The following NAALADL2 variants were observed in gnomAD, a reference collection of about 807,000 sequenced individuals.
NAALADL2 encodes N-acetylated alpha-linked acidic dipeptidase like 2, also known as inactive N-acetylated-alpha-linked acidic dipeptidase-like protein 2.
A neutral mutation model predicts 87.2 loss-of-function variants in NAALADL2; 76 were observed. That is an observed-to-expected ratio of 0.87 (90% CI 0.72 to 1.05). The LOEUF (loss-of-function observed/expected upper bound fraction) is 1.05. Ranked by LOEUF, NAALADL2 falls within the 50% of genes least tolerant of loss-of-function variation. NAALADL2 has a pLI of 0.00. For missense variants in NAALADL2, 1,089 were observed against 945.8 expected (o/e 1.15, Z -1.99); for synonymous variants, 354 against 331.0 (o/e 1.07, Z -0.75).
chr3:174,721,432 A>G (rs1731697665), intron 2 of NAALADL2, among the ~76,000 whole-genome samples: 1 of 152,170 alleles, frequency 6.6e-6, no homozygotes, highest in African/African-American at 2.4e-5. Flanking sequence ...CTTTATTGCC[A>G]GTGAGGTGAA....
At chr3:175,023,070 C>T (rs1445547652) in intron 1 of NAALADL2, among the ~76,000 whole-genome samples, 1 of 152,036 alleles carries the variant, frequency 6.6e-6, no homozygotes. Flanking sequence ...TCATTATTTG[C>T]ATCTGAAAGT....
chr3:174,667,754 A>T (rs1052147819), intron 2 of NAALADL2, among the ~76,000 whole-genome samples: 2 of 151,934 alleles, frequency 1.3e-5, no homozygotes, highest in African/African-American at 4.8e-5. Flanking sequence ...GTGTCTGGTG[A>T]AGGGGAGGTT....
chr3:175,228,940 T>C (rs182338575), intron 2 of NAALADL2, among the ~76,000 whole-genome samples: 11 of 152,134 alleles, frequency 7.2e-5, no homozygotes, highest in Non-Finnish European at 1.5e-4. Flanking sequence ...TAATTCATTA[T>C]AGTAGTCCAG....
chr3:175,403,227 C>T (rs1711666613), intron 5 of NAALADL2, among the ~76,000 whole-genome samples: 1 of 152,016 alleles, frequency 6.6e-6, no homozygotes, highest in South Asian at 2.1e-4. Context: ...TATTCCCCAG[C>T]TCTCCCTCCT....
chr3:174,840,321 A>C (rs1019763864), intron 3 of NAALADL2, among the ~76,000 whole-genome samples: 1 of 152,040 alleles, frequency 6.6e-6, no homozygotes, highest in Non-Finnish European at 1.5e-5. Context: ...TATTTATTGA[A>C]CACTTATGAA....
chr3:175,099,180 G>A (rs528015135), intron 2 of NAALADL2, among the ~76,000 whole-genome samples: 25 of 151,884 alleles, frequency 1.6e-4, no homozygotes, highest in African/African-American at 6.0e-4. Flanking sequence ...TTTGCAAATA[G>A]GCAACTGATT....
intron 3 of NAALADL2, among the ~76,000 whole-genome samples, chr3:174,831,534 A>G (rs1362116742): frequency 6.8e-6 from 1 of 147,784 alleles, no homozygotes; most frequent in Non-Finnish European, 1.5e-5. Flanking sequence ...GGATTTTTGC[A>G]TCAATGTTCA....
At chr3:175,608,532 T>G (rs1168591754) in intron 10 of NAALADL2, among the ~76,000 whole-genome samples, 1 of 152,026 alleles carries the variant, frequency 6.6e-6, no homozygotes. Context: ...CTTCTTTTTA[T>G]CCTCTCTCCC....
intron 9 of NAALADL2, among the ~76,000 whole-genome samples, chr3:175,551,068 G>A (rs926801402): frequency 6.6e-6 from 1 of 151,106 alleles, no homozygotes; most frequent in Non-Finnish European, 1.5e-5. Flanking sequence ...TGAGAGAGAC[G>A]AGTGTGTGTG....
At chr3:174,519,165 C>T (rs140020648) in intron 1 of NAALADL2, among the ~76,000 whole-genome samples, 1 of 152,044 alleles carries the variant, frequency 6.6e-6, no homozygotes, top group Non-Finnish European at 1.5e-5. Flanking sequence ...TAAGTATGCT[C>T]AATATACAGA....
chr3:175,190,993 A>AAG lies in NAALADL2; in HGVS notation c.546-42937_546-42936insGA, dbSNP rs1553806079. On this transcript the variant is annotated intron_variant, in intron 2 of 13. Coordinates refer to ENST00000454872, the MANE Select transcript of NAALADL2 (RefSeq NM_207015.3). Reference sequence around the variant, plus strand: ...GGAGACTCCGTCTCAAAAAAAAAAAAAAAAAGAAAAAGAAAAGTAACCAAT... The same window carrying AAG: ...GGAGACTCCGTCTCAAAAAAAAAAAAAGAAAAAGAAAAAGAAAAGTAACCAAT... Among the ~76,000 whole-genome samples the AAG allele has an allele frequency of 6.3e-3, 954 of 151,602 alleles. 8 individuals carry two copies. Among genetic ancestry groups the AAG allele is most frequent in the African/African-American group, 0.021 (877 of 41,302 alleles).
intron 9 of NAALADL2, among the ~76,000 whole-genome samples, chr3:175,475,049 T>A (rs1359424620): frequency 8.6e-6 from 1 of 116,748 alleles, no homozygotes; most frequent in Non-Finnish European, 1.9e-5. Flanking sequence ...ACACACACAC[T>A]TAGTATTGTA....
At chr3:174,866,166 AGAAATT>A (rs1727116298) in intron 1 of NAALADL2, among the ~76,000 whole-genome samples, 1 of 151,954 alleles carries the variant, frequency 6.6e-6, no homozygotes, top group African/African-American at 2.4e-5. Flanking sequence ...ACATGATGAT[AGAAATT>A]GAAATCATTT....
At position 175,541,156 on chromosome 3, in the gene NAALADL2, T is replaced by C. The variant is rs754127815; in HGVS notation, c.1654-34885T>C. ...TTGAGATATCTTTCGAATCCTTCAA[T>C]CCCTTCACTCTTAATCCCTTCACTC... is the stretch of plus-strand genomic sequence containing the variant. On this transcript the variant is annotated intron_variant, in intron 9 of 13. Transcript: ENST00000454872. 8.6e-4 allele frequency among the ~76,000 whole-genome samples: 131 copies of C among 152,268 alleles called. 1 individual carries two copies. In the Middle Eastern group the frequency reaches 0.01, roughly 12 times the overall value.
chr3:175,752,707 A>G (rs1463744493), intron 12 of NAALADL2, among the ~76,000 whole-genome samples: 1 of 152,100 alleles, frequency 6.6e-6, no homozygotes, highest in Non-Finnish European at 1.5e-5. Flanking sequence ...CTGCATCTGT[A>G]CTACCATGAA....
intron 5 of NAALADL2, among the ~76,000 whole-genome samples, chr3:175,412,726 A>C (rs973744914): frequency 6.6e-6 from 1 of 151,808 alleles, no homozygotes; most frequent in African/African-American, 2.4e-5. Context: ...AGAGAAAAAA[A>C]TTCTAAATTC....
intron 2 of NAALADL2, among the ~76,000 whole-genome samples, chr3:175,196,430 G>A (rs1739005949): frequency 6.6e-6 from 1 of 151,854 alleles, no homozygotes; most frequent in Non-Finnish European, 1.5e-5. Context: ...TCCTAGTGAT[G>A]TCTGGAAGCT....
intron 3 of NAALADL2, among the ~76,000 whole-genome samples, chr3:175,251,466 G>A (rs1749051900): frequency 6.6e-6 from 1 of 152,106 alleles, no homozygotes; most frequent in South Asian, 2.1e-4. Flanking sequence ...GAAAAACTGT[G>A]GTACAGAATG....
intron 5 of NAALADL2, among the ~76,000 whole-genome samples, chr3:175,419,470 C>T (rs76379882): frequency 0.056 from 8,463 of 151,942 alleles, 256 homozygotes; most frequent in South Asian, 0.077. Context: ...AAGTGGTCTA[C>T]TAGAAATCCT....
Sources: allele counts gnomAD v4.1 joint callset (sites outside exome capture counted in the v4.1 genomes callset), GRCh38; gene constraint gnomAD v4.1.1; transcripts MANE v1.5; gene names NCBI Gene and HGNC (gene_info 2026-07-23, HGNC 2026-07-21).